TECTB: variants seen among roughly 807,000 people sequenced by gnomAD.
The protein encoded by TECTB is beta-tectorin.
TECTB carries 45 observed loss-of-function variants against 43.3 expected under a neutral mutation model. That is an observed-to-expected ratio of 1.04 (90% CI 0.82 to 1.33). The LOEUF (loss-of-function observed/expected upper bound fraction) is 1.33. Ranked by LOEUF, TECTB falls within the 40% of genes most tolerant of loss-of-function variation. TECTB has a pLI of 0.00. For missense variants in TECTB, 399 were observed against 404.7 expected (o/e 0.99, Z 0.12); for synonymous variants, 169 against 156.7 (o/e 1.08, Z -0.59).
Position 112,283,416 on chromosome 10 carries a change from C to G in TECTB, c.-168C>G, listed in dbSNP as rs1848428515. ...TGGGGCAGCAGATTTGGGGAGCATC[C>G]AGCAGCCAGCCTCTACAGTCCGGAG... On this transcript the variant is annotated 5_prime_UTR_variant, in exon 1 of 11. Transcript: ENST00000646139. 3 of 283,532 alleles carry G rather than the reference C, an allele frequency of 1.1e-5. No homozygotes were observed. In the Admixed American group the frequency reaches 1.5e-4, roughly 15 times the overall value. 17.6% of individuals were successfully genotyped at this position (283,532 alleles called of 1,614,324 possible). A position where few individuals can be genotyped will look rare whatever the true frequency, so the allele number is the denominator to read the frequency against.
intron 8 of TECTB, among the ~76,000 whole-genome samples, chr10:112,298,506 T>C (rs1322378298): frequency 6.6e-6 from 1 of 152,154 alleles, no homozygotes. Flanking sequence ...TAAGTAATGA[T>C]GGCCCTTCCC....
Position 112,302,150 on chromosome 10 carries a change from C to G in TECTB, c.940+17C>G. On this transcript the variant is annotated intron_variant, in intron 10 of 10. Transcript: ENST00000646139. ...GCTTCTCAGGTAAGGAAAAGAGACA[C>G]TTCTGGGATTTCGTGGGGCTATGCT... is the stretch of plus-strand genomic sequence containing the variant. 6.2e-7 allele frequency: 1 copy of G among 1,613,866 alleles called. No individual in the cohort carries two copies.
chr10:112,293,104 A>C (rs1219955282), intron 5 of TECTB, among the ~76,000 whole-genome samples: 2 of 152,202 alleles, frequency 1.3e-5, no homozygotes, highest in Non-Finnish European at 2.9e-5. Context: ...ATAGTTACAT[A>C]TTATATCATT....
chr10:112,288,580 A>C (rs1208381087), intron 5 of TECTB, among the ~76,000 whole-genome samples: 1 of 152,066 alleles, frequency 6.6e-6, no homozygotes, highest in East Asian at 1.9e-4. Context: ...TGCCTGACCC[A>C]TGTGGTTGGT....
In TECTB at chr10:112,297,022, T is replaced by C. The variant is rs530812067; in HGVS notation, c.672-1047T>C. 2.0e-5 allele frequency among the ~76,000 whole-genome samples: 3 copies of C among 152,250 alleles called. No individual in the cohort carries two copies. In the East Asian group the frequency reaches 5.8e-4, roughly 29 times the overall value. On this transcript the variant is annotated intron_variant, in intron 7 of 10. Transcript: ENST00000646139. ...CAATAGTGTGGGCTTCTCTGTACAG[T>C]CCCAAGAATGGTTGCGTCTGTTTCC...
chr10:112,300,208 C>G (rs10219016), intron 9 of TECTB, among the ~76,000 whole-genome samples: 55,642 of 108,858 alleles, frequency 0.51, 13,339 homozygotes, highest in South Asian at 0.62. Context: ...GAAAGAGAGA[C>G]AGACAGACAG....
At chr10:112,297,743 G>A (rs1212344014) in intron 7 of TECTB, among the ~76,000 whole-genome samples, 1 of 149,884 alleles carries the variant, frequency 6.7e-6, no homozygotes, top group African/African-American at 2.5e-5. Context: ...CTCAAGGGCT[G>A]GACATATTCC....
intron 5 of TECTB, among the ~76,000 whole-genome samples, chr10:112,293,089 G>T (rs1228100582): frequency 6.6e-6 from 1 of 152,168 alleles, no homozygotes; most frequent in Non-Finnish European, 1.5e-5. Context: ...AATGTCCTAT[G>T]GTCTATAGTT....
At chr10:112,295,899 TACAC>T (rs748108610) in intron 7 of TECTB, among the ~76,000 whole-genome samples, 2 of 152,220 alleles carry the variant, frequency 1.3e-5, no homozygotes, top group African/African-American at 4.8e-5. Context: ...AGCTCTAGTG[TACAC>T]ACAAACTGTG....
chr10:112,302,312 C>T, intron 10 of TECTB, 179 bp downstream of exon 10: 2 of 619,966 alleles, frequency 3.2e-6, no homozygotes, highest in Non-Finnish European at 5.4e-6. Flanking sequence ...CTGACCAGCC[C>T]CTGAACTCTG....
chr10:112,296,715 C>T (rs748968250), intron 7 of TECTB, among the ~76,000 whole-genome samples: 3 of 152,170 alleles, frequency 2.0e-5, no homozygotes, highest in Non-Finnish European at 4.4e-5. Context: ...CACTCTCACA[C>T]TTGACTTCCT....
chr10:112,294,610 G>A (rs1031393250), intron 7 of TECTB, among the ~76,000 whole-genome samples: 1 of 152,130 alleles, frequency 6.6e-6, no homozygotes, highest in African/African-American at 2.4e-5. Flanking sequence ...TTACAATTTG[G>A]AGTAAAGCAC....
At chr10:112,290,452 T>C (rs1158925259) in intron 5 of TECTB, among the ~76,000 whole-genome samples, 1 of 152,222 alleles carries the variant, frequency 6.6e-6, no homozygotes, top group African/African-American at 2.4e-5. Context: ...AACTCAATCA[T>C]TAGTGTTCTA....
Position 112,286,219 on chromosome 10 carries a change from T to C in TECTB, c.410+6T>C. On this transcript the variant is annotated splice_donor_region_variant and intron_variant, in intron 4 of 10. Transcript: ENST00000646139. The stretch of plus-strand genomic sequence containing the variant: ...CAGGCTGCCTTTGACCAGAGGTAAG[T>C]TGCTGTGCGGCATGGAGGGCTGGCT... 1.2e-6 allele frequency: 2 copies of C among 1,614,188 alleles called. No individual in the cohort carries two copies. Among genetic ancestry groups the C allele is most frequent in the South Asian group, 1.1e-5 (1 of 91,084 alleles).
chr10:112,301,356 G>C (rs1270000653), intron 9 of TECTB, among the ~76,000 whole-genome samples: 3 of 149,670 alleles, frequency 2.0e-5, no homozygotes, highest in Non-Finnish European at 4.4e-5. Flanking sequence ...GCAGTGAGCA[G>C]AGATCACGCT....
intron 2 of TECTB, 41 bp downstream of exon 2, chr10:112,283,851 T>C (rs1418802944): frequency 6.3e-7 from 1 of 1,595,942 alleles, no homozygotes; most frequent in East Asian, 2.2e-5. Flanking sequence ...ACGAAAAGTT[T>C]CCTGAAGTTT....
intron 7 of TECTB, among the ~76,000 whole-genome samples, chr10:112,296,917 G>T (rs895919853): frequency 6.6e-5 from 10 of 152,138 alleles, no homozygotes; most frequent in Non-Finnish European, 1.5e-4. Context: ...TCAGTGGTCT[G>T]ACGCTTTCGA....
Position 112,294,054 on chromosome 10 carries a change from A to C in TECTB, c.664A>C (p.Asn222His). The change falls in exon 7 of 11, where the codon AAC becomes CAC. Residue 222 changes from asparagine to histidine, a missense_variant. Asn to His is a moderately conservative substitution (Grantham distance 68). Coordinates refer to ENST00000646139, the MANE Select transcript of TECTB (RefSeq NM_058222.3). The stretch of plus-strand genomic sequence containing the variant: ...GTATCCCTTGCAGTGGCAGCTGATC[A>C]ACAAGGGGTAGGTACACTATCTAGA... ...FMYPLQWQLI[N>H]KGCPTDETVL... is the part of the protein sequence containing the mutation. 1 of 1,614,044 alleles carries C rather than the reference A, an allele frequency of 6.2e-7. No individual in the cohort carries two copies.
Position 112,298,134 on chromosome 10 carries a change from T to G in TECTB, c.737T>G (p.Phe246Cys), listed in dbSNP as rs149539448. The G allele has an allele frequency of 6.2e-7, 1 of 1,614,052 alleles. No homozygotes were observed. Among genetic ancestry groups the G allele is most frequent in the African/African-American group, 1.3e-5 (1 of 74,900 alleles). Residue 246 changes from phenylalanine to cysteine, a missense_variant, in exon 8 of 11, where the codon TTC becomes TGC. Phe to Cys is a radical substitution (Grantham distance 205). Coordinates refer to ENST00000646139, the MANE Select transcript of TECTB (RefSeq NM_058222.3). ...NGRDHRATFQ[F>C]NAFRFQNIPK... ...AGAGATCACAGGGCAACCTTCCAAT[T>G]CAATGCTTTCCGGTTCCAGAACATC... is the stretch of plus-strand genomic sequence containing the variant.
Sources: allele counts gnomAD v4.1 joint callset (sites outside exome capture counted in the v4.1 genomes callset), GRCh38; gene constraint gnomAD v4.1.1; transcripts MANE v1.5; gene names NCBI Gene and HGNC (gene_info 2026-07-23, HGNC 2026-07-21).